Variants in CNTNAP5 observed in about 807,000 individuals in gnomAD.
The protein encoded by CNTNAP5 is contactin associated protein family member 5.
A neutral mutation model predicts 150.2 loss-of-function variants in CNTNAP5; 72 were observed. That is an observed-to-expected ratio of 0.48 (90% CI 0.40 to 0.58). The LOEUF (loss-of-function observed/expected upper bound fraction) is 0.58, where lower values mean the gene tolerates loss of function less well. CNTNAP5 is among the 20% of genes least tolerant of loss of function. CNTNAP5 has a pLI of 0.00. For synonymous variants in CNTNAP5, 672 were observed against 619.8 expected (o/e 1.08, Z -1.25); for missense variants, 1,636 against 1,626.2 (o/e 1.01, Z -0.10).
At chr2:124,721,318 A>G (rs1680043459) in intron 13 of CNTNAP5, among the ~76,000 whole-genome samples, 1 of 151,976 alleles carries the variant, frequency 6.6e-6, no homozygotes, top group Non-Finnish European at 1.5e-5. Context: ...ATCTCTCCAA[A>G]AATACAAAAA....
chr2:124,514,793 AG>A (rs1167285760), intron 8 of CNTNAP5, among the ~76,000 whole-genome samples: 1 of 152,196 alleles, frequency 6.6e-6, no homozygotes, highest in African/African-American at 2.4e-5. Flanking sequence ...GAAGAGAAAT[AG>A]AACGAGAACC....
At chr2:124,760,498 C>A (rs544809323) in intron 14 of CNTNAP5, among the ~76,000 whole-genome samples, 9 of 151,880 alleles carry the variant, frequency 5.9e-5, no homozygotes, top group Admixed American at 4.6e-4. Flanking sequence ...TGGTGAAATA[C>A]CAAAATTCAG....
chr2:124,270,326 T>C (rs1185930459), intron 3 of CNTNAP5, among the ~76,000 whole-genome samples: 1 of 151,880 alleles, frequency 6.6e-6, no homozygotes, highest in African/African-American at 2.4e-5. Context: ...AAAAGGACTT[T>C]ATGAAATAAT....
rs554313819 is a variant in CNTNAP5 at position 124,918,247 on chromosome 2, T to C, written c.*3959T>C. Among the ~76,000 whole-genome samples the C allele has an allele frequency of 2.6e-4, 39 of 152,116 alleles. No individual in the cohort carries two copies. The highest frequency in any genetic ancestry group is 4.7e-4 in the Non-Finnish European group (32 of 68,000). On this transcript the variant is annotated 3_prime_UTR_variant, in exon 24 of 24. Coordinates refer to ENST00000682447, the MANE Select transcript of CNTNAP5 (RefSeq NM_001367498.1). ...TTTATGACCTATTGCATGCCGTTGTTCTTCCAGATGTTCCTGAAGGTGGTT... is the reference window on the plus strand; with the variant it reads ...TTTATGACCTATTGCATGCCGTTGTCCTTCCAGATGTTCCTGAAGGTGGTT...
intron 1 of CNTNAP5, among the ~76,000 whole-genome samples, chr2:124,164,784 T>C (rs2104654318): frequency 1.3e-5 from 2 of 152,190 alleles, no homozygotes; most frequent in Admixed American, 1.3e-4. Flanking sequence ...GGCTTTTGGG[T>C]AGGGGTTTAA....
intron 3 of CNTNAP5, among the ~76,000 whole-genome samples, chr2:124,258,968 A>C (rs549180715): frequency 1.3e-5 from 2 of 151,176 alleles, no homozygotes; most frequent in African/African-American, 2.4e-5. Context: ...TAACTCCTCA[A>C]TTAACATTAG....
chr2:124,725,097 T>A (rs1438940095), intron 13 of CNTNAP5, among the ~76,000 whole-genome samples: 2 of 152,046 alleles, frequency 1.3e-5, no homozygotes, highest in East Asian at 3.9e-4. Flanking sequence ...AAATTTATTT[T>A]CCAACTCAAT....
chr2:124,362,633 G>A (rs780609046), intron 3 of CNTNAP5, among the ~76,000 whole-genome samples: 7 of 152,136 alleles, frequency 4.6e-5, no homozygotes, highest in Non-Finnish European at 8.8e-5. Flanking sequence ...GGCTGTGAAG[G>A]AATAATCATT....
At chr2:124,597,259 A>T (rs373921820) in intron 11 of CNTNAP5, among the ~76,000 whole-genome samples, 4,676 of 149,392 alleles carry the variant, frequency 0.031, 70 homozygotes, top group Middle Eastern at 0.051. Context: ...ACATTTTGGC[A>T]TGATTTTGCA....
chr2:124,899,760 A>G (rs1050883464), intron 21 of CNTNAP5, among the ~76,000 whole-genome samples: 3 of 151,336 alleles, frequency 2.0e-5, no homozygotes, highest in Non-Finnish European at 4.4e-5. Flanking sequence ...CTAACACAGC[A>G]CATGAAACAG....
chr2:124,661,697 C>T (rs7599608), intron 13 of CNTNAP5, among the ~76,000 whole-genome samples: 1 of 151,716 alleles, frequency 6.6e-6, no homozygotes, highest in Admixed American at 6.6e-5. Context: ...ATTAAATGTG[C>T]CATACTTTCA....
chr2:124,496,198 G>C (rs538262679), intron 7 of CNTNAP5, among the ~76,000 whole-genome samples: 1 of 152,260 alleles, frequency 6.6e-6, no homozygotes, highest in Non-Finnish European at 1.5e-5. Flanking sequence ...AAATGAAAAA[G>C]AGCCTTGATT....
chr2:124,501,159 C>A (rs1227115727), intron 7 of CNTNAP5, among the ~76,000 whole-genome samples: 1 of 152,202 alleles, frequency 6.6e-6, no homozygotes, highest in Non-Finnish European at 1.5e-5. Flanking sequence ...AAGGTTTGAT[C>A]AATGCATCCT....
Position 124,760,050 on chromosome 2 carries a change from G to A in CNTNAP5, c.2235-3622G>A, listed in dbSNP as rs1048753171. Among the ~76,000 whole-genome samples the A allele has an allele frequency of 4.0e-5, 6 of 148,790 alleles. No homozygotes were observed. In the South Asian group the frequency reaches 8.4e-4, roughly 21 times the overall value. ...AAGACAGAATTATCAGCAAGCATCAGTGCAGCATTGCAGACTTGAAGAGTT... is the reference window on the plus strand; with the variant it reads ...AAGACAGAATTATCAGCAAGCATCAATGCAGCATTGCAGACTTGAAGAGTT... On this transcript the variant is annotated intron_variant, in intron 14 of 23. Transcript: ENST00000682447.
At chr2:124,500,716 A>T (rs1395335308) in intron 7 of CNTNAP5, among the ~76,000 whole-genome samples, 1 of 151,806 alleles carries the variant, frequency 6.6e-6, no homozygotes, top group Non-Finnish European at 1.5e-5. Flanking sequence ...TTGTCTGGGG[A>T]TCCCTAGGGG....
chr2:124,305,435 A>G (rs1199803795), intron 3 of CNTNAP5, among the ~76,000 whole-genome samples: 5 of 152,178 alleles, frequency 3.3e-5, no homozygotes, highest in Non-Finnish European at 5.9e-5. Context: ...CCTATAAGTT[A>G]TTAGTTTGAC....
At chr2:124,203,388 C>T (rs1685776338) in intron 1 of CNTNAP5, among the ~76,000 whole-genome samples, 1 of 152,108 alleles carries the variant, frequency 6.6e-6, no homozygotes, top group South Asian at 2.1e-4. Flanking sequence ...TTTCTGGGCT[C>T]ATGGTGCAAG....
chr2:124,363,676 T>A (rs554652523), intron 3 of CNTNAP5, among the ~76,000 whole-genome samples: 2 of 152,162 alleles, frequency 1.3e-5, no homozygotes, highest in Non-Finnish European at 2.9e-5. Flanking sequence ...ACATTTTTGT[T>A]AAAAGGATAG....
intron 1 of CNTNAP5, among the ~76,000 whole-genome samples, chr2:124,115,787 G>A (rs975961040): frequency 4.0e-4 from 33 of 82,796 alleles, no homozygotes; most frequent in Admixed American, 3.6e-4. Context: ...ACCACGCCTG[G>A]CTAATTGTGT....
Sources: allele counts gnomAD v4.1 joint callset (sites outside exome capture counted in the v4.1 genomes callset), GRCh38; gene constraint gnomAD v4.1.1; transcripts MANE v1.5; gene names NCBI Gene and HGNC (gene_info 2026-07-23, HGNC 2026-07-21).